TMEM272: variants seen among roughly 807,000 people sequenced by gnomAD.
TMEM272 encodes transmembrane protein 272, also known as long intergenic non-protein coding RNA 282.
TMEM272 carries 8 observed loss-of-function variants against 3.7 expected under a neutral mutation model. That is an observed-to-expected ratio of 2.17 (90% confidence interval 1.27 to 3.91). The LOEUF (loss-of-function observed/expected upper bound fraction) is 3.91. TMEM272 is among the 30% of genes most tolerant of loss of function. The pLI is 0.00. For synonymous variants in TMEM272, 63 were observed against 39.8 expected, an observed-to-expected ratio of 1.58 and a Z score of -2.20; for missense variants, 166 against 91.5, an observed-to-expected ratio of 1.81 and a Z score of -3.32.
chr13:51,919,678 T>C, the TMEM272 span, among the ~76,000 whole-genome samples: 1 of 152,234 alleles, frequency 6.6e-6, no homozygotes. Flanking sequence ...ACATCGCAAG[T>C]TGTCTGTCCA....
At chr13:51,895,385 G>A in the TMEM272 span, among the ~76,000 whole-genome samples, 18 of 152,150 alleles carry the variant, frequency 1.2e-4, no homozygotes, top group Middle Eastern at 3.2e-3. Flanking sequence ...TATTCCTTAT[G>A]GATGGGGCTC....
chr13:51,879,781 G>C, the TMEM272 span, among the ~76,000 whole-genome samples: 1 of 152,156 alleles, frequency 6.6e-6, no homozygotes, highest in East Asian at 1.9e-4. Context: ...TACAGTGGGA[G>C]GATAAGACTT....
upstream of TMEM272, among the ~76,000 whole-genome samples, chr13:51,846,420 A>G (rs1479441661): frequency 1.3e-5 from 2 of 152,258 alleles, no homozygotes; most frequent in Non-Finnish European, 2.9e-5. Flanking sequence ...TGGTGTAAAC[A>G]AACCTACTGC....
At chr13:51,826,138 CAAAA>C (rs11295480) in intron 3 of TMEM272, among the ~76,000 whole-genome samples, 7 of 123,182 alleles carry the variant, frequency 5.7e-5, no homozygotes, top group African/African-American at 1.5e-4. Context: ...ATTCATTCAG[CAAAA>C]AAAAAAAAAA....
chr13:51,840,055 C>T (rs1465673114), intron 1 of TMEM272, among the ~76,000 whole-genome samples: 21 of 152,164 alleles, frequency 1.4e-4, no homozygotes, highest in Admixed American at 6.5e-5. Context: ...CTCCTCAGTT[C>T]GTATGCCCCA....
the TMEM272 span, among the ~76,000 whole-genome samples, chr13:51,893,072 G>A: frequency 2.0e-5 from 3 of 152,178 alleles, no homozygotes. Context: ...TGAGTTGTCT[G>A]CACACACTCC....
chr13:51,865,260 A>G, the TMEM272 span: 1 of 724,474 alleles, frequency 1.4e-6, no homozygotes, highest in Non-Finnish European at 2.2e-6. Context: ...TCTCAAATTC[A>G]GTAGTACAGA....
the TMEM272 span, among the ~76,000 whole-genome samples, chr13:51,863,807 G>A: frequency 6.6e-5 from 10 of 152,076 alleles, no homozygotes; most frequent in African/African-American, 1.4e-4. Flanking sequence ...TAGGTCTCAC[G>A]GATGATGGGT....
At chr13:51,870,426 C>G in the TMEM272 span, among the ~76,000 whole-genome samples, 11 of 152,118 alleles carry the variant, frequency 7.2e-5, no homozygotes, top group African/African-American at 2.7e-4. Flanking sequence ...GAATAATTTT[C>G]AAATTAAAGG....
chr13:51,886,068 G>C, the TMEM272 span, among the ~76,000 whole-genome samples: 956 of 152,282 alleles, frequency 6.3e-3, 12 homozygotes, highest in African/African-American at 0.022. Context: ...TCCCCGCCTG[G>C]TACCTAGACC....
At position 51,832,657 on chromosome 13, in the gene TMEM272, G is replaced by A. The variant is rs138500942; in HGVS notation, c.58+5816C>T. Among the ~76,000 whole-genome samples, 1,453 of 152,026 alleles carry A rather than the reference G, an allele frequency of 9.6e-3. 26 individuals are homozygous for A. The highest frequency in any genetic ancestry group is 0.033 in the African/African-American group (1,386 of 41,450). ...TGTTCAGTCATTCTGCCTCTGCCTC[G>A]TTTCCACCCACCCCTCTTCTCCAGC... On this transcript the variant is annotated intron_variant, in intron 2 of 4. Transcript: ENST00000629372.
the TMEM272 span, chr13:51,865,307 T>C: frequency 1.1e-5 from 14 of 1,277,330 alleles, no homozygotes; most frequent in Admixed American, 1.9e-4. Flanking sequence ...TACTCATAGA[T>C]CTGTCTTTTC....
At chr13:51,917,888 T>C in the TMEM272 span, among the ~76,000 whole-genome samples, 7 of 152,320 alleles carry the variant, frequency 4.6e-5, no homozygotes, top group Admixed American at 6.5e-5. Flanking sequence ...CCTCCAAGAA[T>C]GTCGCCCTTC....
chr13:51,890,237 C>T, the TMEM272 span, among the ~76,000 whole-genome samples: 13 of 152,146 alleles, frequency 8.5e-5, no homozygotes, highest in African/African-American at 2.7e-4. Flanking sequence ...TGTTGAAATT[C>T]GATCTCCAAT....
At chr13:51,900,924 A>C in the TMEM272 span, among the ~76,000 whole-genome samples, 1 of 152,242 alleles carries the variant, frequency 6.6e-6, no homozygotes, top group Non-Finnish European at 1.5e-5. Context: ...ACAATTCTGT[A>C]GAGACAAAAA....
At chr13:51,918,257 G>T in the TMEM272 span, among the ~76,000 whole-genome samples, 13 of 152,160 alleles carry the variant, frequency 8.5e-5, no homozygotes, top group African/African-American at 2.7e-4. Flanking sequence ...ACCTTCAGCT[G>T]TTCTCCATCC....
chr13:51,923,416 G>T, the TMEM272 span, among the ~76,000 whole-genome samples: 1 of 152,126 alleles, frequency 6.6e-6, no homozygotes, highest in South Asian at 2.1e-4. Flanking sequence ...TGGAATGGGT[G>T]GCTTGTTAAG....
the TMEM272 span, among the ~76,000 whole-genome samples, chr13:51,853,075 G>A: frequency 1.3e-5 from 2 of 152,028 alleles, no homozygotes; most frequent in South Asian, 2.1e-4. Flanking sequence ...TATATACTGT[G>A]TTCTTACGAT....
chr13:51,909,487 T>C, the TMEM272 span: 1 of 938,070 alleles, frequency 1.1e-6, no homozygotes, highest in Admixed American at 1.8e-5. Flanking sequence ...AACTTTCTGT[T>C]GAAGTTTCTG....
Sources: gnomAD v4.1 joint callset for allele counts (sites outside exome capture counted in the v4.1 genomes callset) on GRCh38, gnomAD v4.1.1 for gene constraint, MANE v1.5 for transcripts, NCBI Gene and HGNC (gene_info 2026-07-23, HGNC 2026-07-21) for gene names.